SEC22B: variants seen among roughly 807,000 people sequenced by gnomAD.
SEC22B encodes the protein SEC22 homolog B, vesicle trafficking protein, also known as vesicle-trafficking protein SEC22b.
SEC22B carries 10 observed loss-of-function variants against 31.4 expected under a neutral mutation model. The ratio of observed to expected loss-of-function variants is 0.32; its 90% CI spans 0.20 to 0.54. The LOEUF is 0.54. Among genes scored for constraint, SEC22B ranks in the 20% least tolerant of loss-of-function variants. SEC22B has a pLI of 0.94. For synonymous variants in SEC22B, 60 were observed against 95.9 expected, an observed-to-expected ratio of 0.63 and a Z score of 2.19; for missense variants, 130 against 263.4, an observed-to-expected ratio of 0.49 and a Z score of 3.50.
chr1:120,166,770 AAAAG>A (rs1657819232), intron 2 of SEC22B, among the ~76,000 whole-genome samples: 7 of 149,458 alleles, frequency 4.7e-5, no homozygotes, highest in Non-Finnish European at 8.9e-5. Flanking sequence ...CGTATTTTCA[AAAAG>A]CTACAAGATT....
chr1:120,168,151 C>T (rs1243487526), intron 2 of SEC22B, among the ~76,000 whole-genome samples: 15 of 151,810 alleles, frequency 9.9e-5, no homozygotes, highest in Non-Finnish European at 1.5e-4. Flanking sequence ...TTAACTAATC[C>T]GTTTTTATTT....
At position 120,151,997 on chromosome 1, in the gene SEC22B, A is replaced by G. The variant is rs1657550304; in HGVS notation, c.*5041T>C. 6.6e-6 allele frequency: 1 copy of G among 152,144 alleles called. No individual in the cohort carries two copies. Among genetic ancestry groups the G allele is most frequent in the Non-Finnish European group, 1.5e-5 (1 of 68,082 alleles). 9.4% of individuals were successfully genotyped at this position (152,144 alleles called of 1,614,324 possible). On this transcript the variant is annotated 3_prime_UTR_variant, in exon 5 of 5. Coordinates refer to ENST00000578049, the MANE Select transcript of SEC22B (RefSeq NM_004892.6). ...GCACAGGTTTGGTTTTATCTTTGAGAACAATGGAGTGGAGGTATGCTTTAG... is the reference window on the plus strand; with the variant it reads ...GCACAGGTTTGGTTTTATCTTTGAGGACAATGGAGTGGAGGTATGCTTTAG...
intron 1 of SEC22B, 50 bp downstream of exon 1, chr1:120,176,257 A>T: frequency 6.4e-7 from 1 of 1,559,568 alleles, no homozygotes; most frequent in Non-Finnish European, 8.7e-7. Flanking sequence ...GCTGAGGGCA[A>T]AGCGCGCTGA....
intron 3 of SEC22B, 78 bp from the exon 4 acceptor site, chr1:120,160,608 G>A: frequency 7.5e-7 from 1 of 1,333,052 alleles, no homozygotes; most frequent in Non-Finnish European, 1.0e-6. Context: ...GTTCTGAGTT[G>A]GCCAGGCGCG....
chr1:120,165,530 T>C (rs1481494546), intron 2 of SEC22B, among the ~76,000 whole-genome samples: 1 of 152,132 alleles, frequency 6.6e-6, no homozygotes, highest in Non-Finnish European at 1.5e-5. Context: ...ATATGGAATA[T>C]GTATATATAA....
intron 2 of SEC22B, among the ~76,000 whole-genome samples, chr1:120,165,461 T>C (rs1365347694): frequency 7.6e-4 from 115 of 152,270 alleles, no homozygotes; most frequent in East Asian, 5.2e-3. Flanking sequence ...ACTAAGTGGT[T>C]TTCCAACTTC....
chr1:120,170,078 T>G (rs1304033411), intron 1 of SEC22B, among the ~76,000 whole-genome samples: 1 of 144,760 alleles, frequency 6.9e-6, no homozygotes, highest in Non-Finnish European at 1.5e-5. Context: ...AGGCCCTCAA[T>G]AGTCACCAAA....
At position 120,156,829 on chromosome 1, in the gene SEC22B, T is replaced by C. The variant is rs1657635603; in HGVS notation, c.*209A>G. 2.7e-6 allele frequency: 1 copy of C among 376,720 alleles called. No homozygotes were observed. The highest frequency in any genetic ancestry group is 2.1e-5 in the African/African-American group (1 of 48,260). 23.3% of individuals were successfully genotyped at this position (376,720 alleles called of 1,614,324 possible). A position where few individuals can be genotyped will look rare whatever the true frequency, so the allele number is the denominator to read the frequency against. ...TATGGCTTGGCACCCAGAGAAAGCC[T>C]CTGCCCCCGAAAGAGACTTTCTACA... On this transcript the variant is annotated 3_prime_UTR_variant, in exon 5 of 5. Transcript: ENST00000578049.
intron 4 of SEC22B, among the ~76,000 whole-genome samples, chr1:120,159,850 A>T (rs1235883349): frequency 1.3e-5 from 2 of 151,998 alleles, no homozygotes; most frequent in Non-Finnish European, 2.9e-5. Context: ...AGACATTTGC[A>T]TCTTCCTTAT....
intron 1 of SEC22B, among the ~76,000 whole-genome samples, chr1:120,170,476 G>A (rs1657878663): frequency 6.7e-6 from 1 of 149,124 alleles, no homozygotes. Flanking sequence ...AAGATTCTAA[G>A]CTATATGTAA....
In SEC22B at chr1:120,151,133, TTAAAGG is replaced by T. The variant is rs1203417785; in HGVS notation, c.*5899_*5904del. The T allele has an allele frequency of 6.6e-6, 1 of 152,040 alleles. No individual in the cohort carries two copies. Among genetic ancestry groups the T allele is most frequent in the Non-Finnish European group, 1.5e-5 (1 of 68,004 alleles). 9.4% of individuals were successfully genotyped at this position (152,040 alleles called of 1,614,324 possible). ...CAACATGCAAACCATAGCAGCAGGT[TTAAAGG>T]TAAAAGGATGGGAGAAAAGTACACA... is the stretch of plus-strand genomic sequence containing the variant. On this transcript the variant is annotated 3_prime_UTR_variant, in exon 5 of 5. Transcript: ENST00000578049.
chr1:120,161,540 C>A (rs1657718074), intron 3 of SEC22B, among the ~76,000 whole-genome samples: 2 of 152,202 alleles, frequency 1.3e-5, no homozygotes, highest in Admixed American at 6.5e-5. Context: ...ACCAAAAATA[C>A]CGAAATTAGC....
intron 1 of SEC22B, among the ~76,000 whole-genome samples, chr1:120,171,442 A>AAT (rs1437402276): frequency 9.4e-6 from 1 of 105,966 alleles, no homozygotes; most frequent in Non-Finnish European, 1.7e-5. Flanking sequence ...AAAGACTGCC[A>AAT]ATATACAACA....
intron 1 of SEC22B, 70 bp from the exon 2 acceptor site, chr1:120,169,019 T>C: frequency 3.6e-6 from 2 of 561,374 alleles, no homozygotes; most frequent in South Asian, 5.3e-5. Context: ...AGCATCATAT[T>C]ATGAGGACAC....
At position 120,176,407 on chromosome 1, in the gene SEC22B, C is replaced by G; in HGVS notation, c.-26G>C. The G allele has an allele frequency of 6.2e-7, 1 of 1,611,118 alleles. No individual in the cohort carries two copies. Among genetic ancestry groups the G allele is most frequent in the South Asian group, 1.1e-5 (1 of 90,846 alleles). On this transcript the variant is annotated 5_prime_UTR_variant, in exon 1 of 5. Coordinates refer to ENST00000578049, the MANE Select transcript of SEC22B (RefSeq NM_004892.6). ...CTTCACAAACTACAGGGATCCAACA[C>G]TGGCCCGGAAGGCCCTTGGCGCCGT...
intron 2 of SEC22B, among the ~76,000 whole-genome samples, chr1:120,166,217 C>T (rs1334425492): frequency 3.5e-5 from 5 of 142,540 alleles, no homozygotes; most frequent in African/African-American, 1.2e-4. Flanking sequence ...AAACTAAAAA[C>T]AGAACTACCA....
chr1:120,170,237 A>C (rs1164464945), intron 1 of SEC22B, among the ~76,000 whole-genome samples: 1 of 142,346 alleles, frequency 7.0e-6, no homozygotes, highest in Non-Finnish European at 1.5e-5. Context: ...GGAATTATTT[A>C]TTTTACATAG....
intron 1 of SEC22B, among the ~76,000 whole-genome samples, chr1:120,169,515 A>C (rs1657862723): frequency 1.3e-5 from 2 of 152,280 alleles, no homozygotes; most frequent in Admixed American, 1.3e-4. Context: ...TTTACTGAAG[A>C]AATCTATTTG....
At chr1:120,161,470 G>C (rs1657716821) in intron 3 of SEC22B, among the ~76,000 whole-genome samples, 1 of 152,032 alleles carries the variant, frequency 6.6e-6, no homozygotes. Flanking sequence ...AAGATGGGTG[G>C]ATCACTTGAG....
Sources: allele counts gnomAD v4.1 joint callset (sites outside exome capture counted in the v4.1 genomes callset), GRCh38; gene constraint gnomAD v4.1.1; transcripts MANE v1.5; gene names NCBI Gene and HGNC (gene_info 2026-07-23, HGNC 2026-07-21).